COBL: variants seen among roughly 807,000 people sequenced by gnomAD.
COBL encodes protein cordon-bleu.
Under a neutral mutation model 98.8 loss-of-function variants are expected in COBL, and 51 were observed. That is an observed-to-expected ratio of 0.52 (90% CI 0.41 to 0.65). The LOEUF (loss-of-function observed/expected upper bound fraction) is 0.65. COBL is among the 30% of genes least tolerant of loss of function. COBL has a pLI of 0.00. For synonymous variants in COBL, 634 were observed against 651.7 expected, an observed-to-expected ratio of 0.97 and a Z score of 0.41; for missense variants, 1,617 against 1,617.5, an observed-to-expected ratio of 1.00 and a Z score of 0.01.
chr7:51,041,478 CTTTTTTT>C lies in COBL; in HGVS notation c.1406+1898_1406+1904del, dbSNP rs773830122. ...TAAATCAGTTTACCTTATTTCTTTC[CTTTTTTT>C]TTTTTTTTTTTTTTTTGAGACAGAG... On this transcript the variant is annotated intron_variant, in intron 8 of 12. Transcript: ENST00000265136. Among the ~76,000 whole-genome samples, 22 of 80,040 alleles carry C rather than the reference CTTTTTTT, an allele frequency of 2.7e-4. No individual in the cohort carries two copies. In the South Asian group the frequency reaches 2.8e-3, roughly 10 times the overall value. The allele number at this position is 80,040 out of a possible 152,430, so 52.5% of individuals were successfully genotyped here. A position where few individuals can be genotyped will look rare whatever the true frequency, so the allele number is the denominator to read the frequency against.
chr7:51,163,196 C>T (rs1356458886), intron 5 of COBL, among the ~76,000 whole-genome samples: 1 of 152,174 alleles, frequency 6.6e-6, no homozygotes, highest in African/African-American at 2.4e-5. Flanking sequence ...TAAGCAAGCA[C>T]TGGCATCAAA....
At chr7:51,196,354 G>C (rs1370735693) in intron 2 of COBL, among the ~76,000 whole-genome samples, 1 of 152,192 alleles carries the variant, frequency 6.6e-6, no homozygotes. Flanking sequence ...AAGACTACTT[G>C]ATCGTGGTGG....
intron 5 of COBL, among the ~76,000 whole-genome samples, chr7:51,169,521 A>G (rs1293773283): frequency 6.6e-6 from 1 of 152,234 alleles, no homozygotes; most frequent in Non-Finnish European, 1.5e-5. Context: ...GTCAACTATG[A>G]AAAAGAATGA....
chr7:51,099,922 G>T (rs1355839864), intron 6 of COBL, among the ~76,000 whole-genome samples: 3 of 151,992 alleles, frequency 2.0e-5, no homozygotes, highest in Non-Finnish European at 2.9e-5. Context: ...ACTTTTCTAG[G>T]CCTAGAGGCT....
At chr7:51,154,256 T>C (rs1259678522) in intron 5 of COBL, among the ~76,000 whole-genome samples, 1 of 152,088 alleles carries the variant, frequency 6.6e-6, no homozygotes, top group East Asian at 1.9e-4. Context: ...ATGAGGGTGG[T>C]TTTAAGCTAC....
At chr7:51,272,822 C>T (rs1360063615) in intron 1 of COBL, among the ~76,000 whole-genome samples, 1 of 152,140 alleles carries the variant, frequency 6.6e-6, no homozygotes, top group Non-Finnish European at 1.5e-5. Flanking sequence ...TGGGCTAAGA[C>T]ATGTAATTCA....
chr7:51,262,301 G>A (rs1797794123), intron 1 of COBL, among the ~76,000 whole-genome samples: 1 of 152,174 alleles, frequency 6.6e-6, no homozygotes, highest in African/African-American at 2.4e-5. Flanking sequence ...CAGAGGAGGG[G>A]CAGACTCTTC....
intron 6 of COBL, among the ~76,000 whole-genome samples, chr7:51,111,987 C>A (rs1796867046): frequency 6.6e-6 from 1 of 152,058 alleles, no homozygotes. Flanking sequence ...AGGTAATATC[C>A]TCATCAATAT....
At chr7:51,101,981 G>A (rs1795848530) in intron 6 of COBL, among the ~76,000 whole-genome samples, 1 of 152,100 alleles carries the variant, frequency 6.6e-6, no homozygotes, top group Admixed American at 6.5e-5. Context: ...TGGCATTAGA[G>A]CCCTTACAAG....
chr7:51,030,355 C>T lies in COBL; in HGVS notation c.1504+457G>A, dbSNP rs543429941. Among the ~76,000 whole-genome samples the T allele has an allele frequency of 3.3e-5, 5 of 152,304 alleles. No individual in the cohort carries two copies. The South Asian group carries it at 1.0e-3, about 32-fold the overall frequency. On this transcript the variant is annotated intron_variant, in intron 9 of 12. Transcript: ENST00000265136. ...CTGCTTTGGCCTTCCAGTATTATTT[C>T]CCCAAAATATATCAATATAATAGCA...
intron 7 of COBL, among the ~76,000 whole-genome samples, chr7:51,058,077 A>G (rs2128906665): frequency 6.6e-6 from 1 of 152,294 alleles, no homozygotes; most frequent in African/African-American, 2.4e-5. Flanking sequence ...CCCCAAGATA[A>G]CCATGGTTTA....
rs1588247548 is a variant in COBL at position 51,025,244 on chromosome 7, A to AGGG, written c.3630_3632dup (p.Pro1213dup). ...GTGCAGAGAGAGCCTGGGAGGGTGG[A>AGGG]GGGGGTGGTGGGGGAATGGCTGGTG... On this transcript the variant is annotated inframe_insertion, in exon 12 of 13. Coordinates refer to ENST00000265136, the MANE Select transcript of COBL (RefSeq NM_015198.5). 4 of 285,196 alleles carry AGGG rather than the reference A, an allele frequency of 1.4e-5. No individual in the cohort carries two copies. The highest frequency in any genetic ancestry group is 7.1e-5 in the African/African-American group (1 of 14,120). 17.7% of individuals were successfully genotyped at this position (285,196 alleles called of 1,614,324 possible).
intron 7 of COBL, among the ~76,000 whole-genome samples, chr7:51,064,145 T>C (rs565676563): frequency 6.6e-6 from 1 of 152,314 alleles, no homozygotes; most frequent in South Asian, 2.1e-4. Context: ...GATCAGTGCA[T>C]TCTGGCCTAA....
At chr7:51,127,819 G>T (rs551281740) in intron 6 of COBL, among the ~76,000 whole-genome samples, 20 of 152,294 alleles carry the variant, frequency 1.3e-4, no homozygotes, top group African/African-American at 4.8e-4. Flanking sequence ...AGAACAATGT[G>T]CCATTGAGTT....
chr7:51,252,464 C>A (rs1345429067), intron 1 of COBL, among the ~76,000 whole-genome samples: 1 of 152,172 alleles, frequency 6.6e-6, no homozygotes, highest in Non-Finnish European at 1.5e-5. Flanking sequence ...GGACATTTCA[C>A]ATAAGTGAAA....
At chr7:51,059,641 G>A (rs1200819531) in intron 7 of COBL, among the ~76,000 whole-genome samples, 1 of 149,704 alleles carries the variant, frequency 6.7e-6, no homozygotes, top group Admixed American at 6.6e-5. Flanking sequence ...AGCCTGGTCA[G>A]GTAGGGGTGG....
chr7:51,193,342 T>C (rs1218020369), intron 3 of COBL, 37 bp downstream of exon 3: 1 of 1,586,648 alleles, frequency 6.3e-7, no homozygotes, highest in African/African-American at 1.3e-5. Flanking sequence ...CTGCCACACA[T>C]TCAGACACAG....
rs1588282121 is a variant in COBL at position 51,035,080 on chromosome 7, C to G, written c.1407-4171G>C. 3 of 152,392 alleles carry G rather than the reference C, an allele frequency of 2.0e-5. No homozygotes were observed. The South Asian group carries it at 6.2e-4, about 32-fold the overall frequency. 9.4% of individuals were successfully genotyped at this position (152,392 alleles called of 1,614,324 possible). A position where few individuals can be genotyped will look rare whatever the true frequency, so the allele number is the denominator to read the frequency against. On this transcript the variant is annotated intron_variant, in intron 8 of 12. Coordinates refer to ENST00000265136, the MANE Select transcript of COBL (RefSeq NM_015198.5). ...GGACCTGCGTCCTTGGGCCCAGCCT[C>G]TTGGGATGGTCGGAGGGTGGCAGGC...
chr7:51,085,244 G>A lies in COBL; in HGVS notation c.1018C>T (p.Pro340Ser). 6.2e-7 allele frequency: 1 copy of A among 1,613,494 alleles called. No individual in the cohort carries two copies. Among genetic ancestry groups the A allele is most frequent in the South Asian group, 1.1e-5 (1 of 91,048 alleles). The change falls in exon 7 of 13, where the codon CCA (proline) becomes TCA (serine). Residue 340 changes from proline to serine, a missense_variant. Transcript: ENST00000265136. The part of the protein sequence containing the change: ...KKKRRAPAPP[P>S]PQPPPPSPLI... ...GGACTCGGTGGTGGTGGCTGTGGTGGAGGGGGAGCTGGCGCTCGCCGCTTC... is the reference window on the plus strand; with the variant it reads ...GGACTCGGTGGTGGTGGCTGTGGTGAAGGGGGAGCTGGCGCTCGCCGCTTC...
Sources: gnomAD v4.1 joint callset for allele counts (sites outside exome capture counted in the v4.1 genomes callset) on GRCh38, gnomAD v4.1.1 for gene constraint, MANE v1.5 for transcripts, NCBI Gene and HGNC (gene_info 2026-07-23, HGNC 2026-07-21) for gene names.